The following KAZN variants were observed in gnomAD, a reference collection of about 807,000 sequenced individuals.
KAZN encodes the protein kazrin, periplakin interacting protein.
A neutral mutation model predicts 87.4 loss-of-function variants in KAZN; 40 were observed. That is an observed-to-expected ratio of 0.46 (90% CI 0.36 to 0.60). The LOEUF is 0.60. KAZN is among the 20% of genes least tolerant of loss of function. The pLI is 0.00. For synonymous variants in KAZN, 466 were observed against 458.3 expected (o/e 1.02, Z -0.22); for missense variants, 898 against 1,073.9 (o/e 0.84, Z 2.29).
chr1:14,662,909 T>TA, intron 1 of KAZN, among the ~76,000 whole-genome samples: 1 of 144,468 alleles, frequency 6.9e-6, no homozygotes, highest in East Asian at 2.0e-4. Flanking sequence ...TGTAAATATA[T>TA]ATATACACAT....
intron 1 of KAZN, among the ~76,000 whole-genome samples, chr1:14,680,564 T>TCACC (rs1640511951): frequency 6.6e-6 from 1 of 151,992 alleles, no homozygotes; most frequent in Non-Finnish European, 1.5e-5. Context: ...GTCACCTAGG[T>TCACC]TTTAAGCCCC....
chr1:14,521,524 C>T (rs966989453), intron 2 of KAZN, among the ~76,000 whole-genome samples: 3 of 152,184 alleles, frequency 2.0e-5, no homozygotes, highest in Non-Finnish European at 2.9e-5. Flanking sequence ...TGAAAAAGCC[C>T]TTGCTTTTTG....
At chr1:14,918,491 T>A (rs1004212778) in intron 1 of KAZN, among the ~76,000 whole-genome samples, 4 of 151,234 alleles carry the variant, frequency 2.6e-5, no homozygotes, top group Non-Finnish European at 4.4e-5. Context: ...GCCAGACCAA[T>A]ATGGTGAAAC....
intron 1 of KAZN, among the ~76,000 whole-genome samples, chr1:14,000,944 G>A (rs769275369): frequency 4.4e-4 from 67 of 151,648 alleles, no homozygotes; most frequent in African/African-American, 2.2e-4. Flanking sequence ...CACTACGCCC[G>A]GCTAATTTTT....
At position 14,796,015 on chromosome 1, in the gene KAZN, C is replaced by T. The variant is rs866584511; in HGVS notation, c.227-164669C>T. On this transcript the variant is annotated intron_variant, in intron 1 of 14. Coordinates refer to ENST00000376030, the MANE Select transcript of KAZN (RefSeq NM_201628.3). ...TTTCTTTATGGCCTATCCTCCCCAC[C>T]GCCTCCACTAGTGGTGAACTCCTCA... 9.8e-5 allele frequency among the ~76,000 whole-genome samples: 15 copies of T among 152,294 alleles called. 1 individual carries two copies. Among genetic ancestry groups the T allele is most frequent in the Middle Eastern group, 6.8e-3 (2 of 294 alleles).
chr1:14,274,762 A>C (rs1288559362), intron 2 of KAZN, among the ~76,000 whole-genome samples: 2 of 152,166 alleles, frequency 1.3e-5, no homozygotes, highest in Non-Finnish European at 2.9e-5. Context: ...TCAAATCTAC[A>C]AAACAGAGTG....
At chr1:14,551,605 T>C (rs1673526194) in intron 2 of KAZN, among the ~76,000 whole-genome samples, 1 of 152,168 alleles carries the variant, frequency 6.6e-6, no homozygotes. Context: ...GTTCGTTCCT[T>C]TCTAGGTCAA....
chr1:15,059,764 T>C (rs1045535659), intron 5 of KAZN, among the ~76,000 whole-genome samples: 7 of 152,144 alleles, frequency 4.6e-5, no homozygotes, highest in African/African-American at 1.7e-4. Context: ...GTCCAGGTGG[T>C]GGGAGCATGT....
Position 14,949,246 on chromosome 1 carries a change from AC to A in KAZN, c.227-11437del, listed in dbSNP as rs1298182014. Among the ~76,000 whole-genome samples the A allele has an allele frequency of 2.0e-5, 3 of 151,792 alleles. No individual in the cohort carries two copies. Among genetic ancestry groups the A allele is most frequent in the East Asian group, 1.9e-4 (1 of 5,196 alleles). On this transcript the variant is annotated intron_variant, in intron 1 of 14. Transcript: ENST00000376030. This position sits in a 1 kb window ranked among gnomAD's most constrained non-coding sequence, Gnocchi z 4.3. ...CTGAATTGGGATTAAAGGGAAAAAAACATTCCTTTATTAAAACAACAGTTAA... is the reference window on the plus strand; with the variant it reads ...CTGAATTGGGATTAAAGGGAAAAAAAATTCCTTTATTAAAACAACAGTTAA...
chr1:14,828,883 G>A (rs1040490485), intron 1 of KAZN, among the ~76,000 whole-genome samples: 4 of 152,150 alleles, frequency 2.6e-5, no homozygotes, highest in African/African-American at 7.2e-5. Context: ...TTTCAGGCAG[G>A]AAGAAGGCAG....
rs564893428 is a variant in KAZN, at chr1:14,419,653, G to A, written c.250-179330G>A. On this transcript the variant is annotated intron_variant, in intron 2 of 16. Transcript: ENST00000636203. Reference sequence around the variant, plus strand: ...AGTTTGTTCCTTCTGATTTTCGGATGTGTTCAGAGTTCCTTCCTTCTGGTG... The same window carrying A: ...AGTTTGTTCCTTCTGATTTTCGGATATGTTCAGAGTTCCTTCCTTCTGGTG... Among the ~76,000 whole-genome samples, 147 of 152,324 alleles carry A rather than the reference G, an allele frequency of 9.7e-4. 1 individual carries two copies. Among genetic ancestry groups the A allele is most frequent in the Non-Finnish European group, 9.3e-4 (63 of 68,028 alleles).
At chr1:14,504,630 G>A (rs565192956) in intron 2 of KAZN, among the ~76,000 whole-genome samples, 1 of 152,274 alleles carries the variant, frequency 6.6e-6, no homozygotes, top group South Asian at 2.1e-4. Context: ...CTAATCAGGG[G>A]CAATGGGCTT....
In KAZN at chr1:14,923,223, C is replaced by T. The variant is rs542498903; in HGVS notation, c.227-37461C>T. Among the ~76,000 whole-genome samples the T allele has an allele frequency of 7.9e-5, 12 of 152,262 alleles. No homozygotes were observed. The highest frequency in any genetic ancestry group is 1.9e-4 in the East Asian group (1 of 5,176). On this transcript the variant is annotated intron_variant, in intron 1 of 14. Coordinates refer to ENST00000376030, the MANE Select transcript of KAZN (RefSeq NM_201628.3). This position sits in a 1 kb window ranked among gnomAD's most constrained non-coding sequence, Gnocchi z 4.2. ...CACCTGGCTGTGTGGCCTCGGCTCC[C>T]GCGTGTCTACAACAGGGGGGAACTG...
intron 1 of KAZN, among the ~76,000 whole-genome samples, chr1:13,898,210 T>G (rs534780300): frequency 6.6e-6 from 1 of 152,330 alleles, no homozygotes; most frequent in Non-Finnish European, 1.5e-5. Context: ...GTGGTCTCAG[T>G]GCAGCTGGAC....
chr1:14,189,743 G>A (rs59005896), intron 2 of KAZN, among the ~76,000 whole-genome samples: 2,564 of 152,206 alleles, frequency 0.017, 75 homozygotes, highest in African/African-American at 0.058. Context: ...AAAGCAAGTC[G>A]CATCACCGAG....
intron 1 of KAZN, among the ~76,000 whole-genome samples, chr1:14,957,553 G>T (rs748308101): frequency 6.6e-6 from 1 of 152,224 alleles, no homozygotes; most frequent in Non-Finnish European, 1.5e-5. Flanking sequence ...GAGCCTCCAC[G>T]TCACTACGGG....
chr1:14,093,145 G>C (rs1002043826), intron 1 of KAZN, among the ~76,000 whole-genome samples: 1 of 152,022 alleles, frequency 6.6e-6, no homozygotes, highest in African/African-American at 2.4e-5. Flanking sequence ...CCTCTCCCTC[G>C]CCACATGTCT....
At chr1:13,935,913 A>C (rs997118741) in intron 1 of KAZN, among the ~76,000 whole-genome samples, 38 of 143,322 alleles carry the variant, frequency 2.7e-4, no homozygotes, top group South Asian at 2.0e-3. Flanking sequence ...GAATCAGATA[A>C]ATTATTTAAT....
intron 2 of KAZN, among the ~76,000 whole-genome samples, chr1:14,579,497 C>T (rs1346997808): frequency 3.3e-5 from 5 of 151,844 alleles, no homozygotes; most frequent in Admixed American, 3.3e-4. Flanking sequence ...TGGTGGCGGG[C>T]GCCTGTAGTC....
Sources: gnomAD v4.1 joint callset for allele counts (sites outside exome capture counted in the v4.1 genomes callset) on GRCh38, gnomAD v4.1.1 for gene constraint, Gnocchi (gnomAD v3.1) non-coding constraint, MANE v1.5 for transcripts, NCBI Gene and HGNC (gene_info 2026-07-23, HGNC 2026-07-21) for gene names.